The following WSB2 variants were observed in gnomAD, a reference collection of about 807,000 sequenced individuals.
WSB2 encodes WD repeat and SOCS box containing 2.
A neutral mutation model predicts 48.8 loss-of-function variants in WSB2; 12 were observed. The observed-to-expected ratio is 0.25, with a 90% CI of 0.16 to 0.40. The LOEUF (loss-of-function observed/expected upper bound fraction) is 0.40, where lower values mean the gene tolerates loss of function less well. Ranked by LOEUF, WSB2 falls within the 10% of genes least tolerant of loss-of-function variation. The pLI, the probability that WSB2 is intolerant of heterozygous loss-of-function variation, is 1.00. For missense variants in WSB2, 317 were observed against 506.2 expected, an observed-to-expected ratio of 0.63 and a Z score of 3.59; for synonymous variants, 191 against 203.1, an observed-to-expected ratio of 0.94 and a Z score of 0.51.
rs2031669749 is a variant in WSB2 at position 118,042,992 on chromosome 12, ACT to A, written c.428-22_428-21del. The A allele has an allele frequency of 4.3e-6, 7 of 1,613,936 alleles. No individual in the cohort carries two copies. Among genetic ancestry groups the A allele is most frequent in the Non-Finnish European group, 5.9e-6 (7 of 1,179,978 alleles). ...GGAGCCCTGGCATGGGAGCAGGGGCACTGAGTCAGCCAGAGAGGGGGCACGAG... is the reference window on the plus strand; with the variant it reads ...GGAGCCCTGGCATGGGAGCAGGGGCAGAGTCAGCCAGAGAGGGGGCACGAG... On this transcript the variant is annotated intron_variant, in intron 3 of 8. Coordinates refer to ENST00000315436, the MANE Select transcript of WSB2 (RefSeq NM_018639.5).
In WSB2 at chr12:118,034,189, G is replaced by A. The variant is rs780222378; in HGVS notation, c.*7C>T. The A allele has an allele frequency of 1.9e-6, 3 of 1,614,128 alleles. No homozygotes were observed. The highest frequency in any genetic ancestry group is 2.5e-6 in the Non-Finnish European group (3 of 1,179,986). ...CTGCTACAAAGAAGCACAAGATGTG[G>A]TGTTGCTTAAAAAGTCCTGTATGTG... On this transcript the variant is annotated 3_prime_UTR_variant, in exon 9 of 9. Coordinates refer to ENST00000315436, the MANE Select transcript of WSB2 (RefSeq NM_018639.5).
intron 2 of WSB2, among the ~76,000 whole-genome samples, chr12:118,048,582 C>CA (rs111998638): frequency 0.072 from 9,445 of 130,344 alleles, 1,031 homozygotes; most frequent in African/African-American, 0.25. Flanking sequence ...AAGACTCTCT[C>CA]AAAAAAAAAA....
rs185153855 is a variant in WSB2, at chr12:118,040,325, T to C, written c.560-1937A>G. 3.9e-3 allele frequency among the ~76,000 whole-genome samples: 596 copies of C among 152,208 alleles called. 5 individuals are homozygous for C. Among genetic ancestry groups the C allele is most frequent in the South Asian group, 0.015 (73 of 4,816 alleles). On this transcript the variant is annotated intron_variant, in intron 4 of 8. Transcript: ENST00000315436. Reference sequence around the variant, plus strand: ...CCTCTCCTTGAAAAGCTCTCATAATTGGCCTACTCCATCCCGCCCACTCTT... The same window carrying C: ...CCTCTCCTTGAAAAGCTCTCATAATCGGCCTACTCCATCCCGCCCACTCTT...
rs2031429325 is a variant in WSB2, at chr12:118,033,639, C to T, written c.*557G>A. 1 of 151,660 alleles carries T rather than the reference C, an allele frequency of 6.6e-6. No individual in the cohort carries two copies. The highest frequency in any genetic ancestry group is 6.6e-5 in the Admixed American group (1 of 15,236). The allele number at this position is 151,660 out of a possible 1,614,324, so 9.4% of individuals were successfully genotyped here. On this transcript the variant is annotated 3_prime_UTR_variant, in exon 9 of 9. Coordinates refer to ENST00000315436, the MANE Select transcript of WSB2 (RefSeq NM_018639.5). ...GTAATTTAGTTAAGCTAAATTAATA[C>T]CTCATACCAAATGGCTCCAGGAAAA...
chr12:118,050,464 G>C (rs896099943), intron 2 of WSB2, among the ~76,000 whole-genome samples: 3 of 151,336 alleles, frequency 2.0e-5, no homozygotes, highest in Non-Finnish European at 4.4e-5. Context: ...GCCTAGGCAA[G>C]ACCCTGTCTC....
chr12:118,054,178 C>A (rs2031906597), intron 1 of WSB2, among the ~76,000 whole-genome samples: 1 of 139,940 alleles, frequency 7.1e-6, no homozygotes, highest in Non-Finnish European at 1.5e-5. Flanking sequence ...TTAAGACCAG[C>A]CTGGCAAACA....
chr12:118,053,033 G>A (rs2031884713), intron 1 of WSB2, among the ~76,000 whole-genome samples: 1 of 152,050 alleles, frequency 6.6e-6, no homozygotes, highest in African/African-American at 2.4e-5. Context: ...CCTCTGTCTG[G>A]GGTTAAACCT....
chr12:118,061,157 C>T lies in WSB2; in HGVS notation c.-109G>A. On this transcript the variant is annotated 5_prime_UTR_variant, in exon 1 of 9. Coordinates refer to ENST00000315436, the MANE Select transcript of WSB2 (RefSeq NM_018639.5). ...CGCCCCGGCCAGGCCGCCGCCGCCG[C>T]CCGGAGAGGCCATCAGCTGCTTCCC... The T allele has an allele frequency of 1.0e-6, 1 of 982,852 alleles. No homozygotes were observed. The allele number at this position is 982,852 out of a possible 1,614,324, so 60.9% of individuals were successfully genotyped here.
At chr12:118,036,651 G>A in intron 5 of WSB2, 141 bp from the exon 6 acceptor site, 2 of 877,066 alleles carry the variant, frequency 2.3e-6, no homozygotes, top group Non-Finnish European at 3.4e-6. Context: ...AGCTCTTCCA[G>A]AACGTGTGGT....
At chr12:118,041,811 G>C (rs2031642727) in intron 4 of WSB2, among the ~76,000 whole-genome samples, 1 of 144,480 alleles carries the variant, frequency 6.9e-6, no homozygotes, top group Non-Finnish European at 1.5e-5. Context: ...CTGGAGTGCA[G>C]TGATGCGATC....
intron 5 of WSB2, among the ~76,000 whole-genome samples, chr12:118,037,525 A>C (rs1374303391): frequency 1.3e-5 from 2 of 152,202 alleles, no homozygotes; most frequent in South Asian, 4.1e-4. Context: ...AAAATTAGCC[A>C]GGCGTGGTGT....
Position 118,044,852 on chromosome 12 carries a change from G to A in WSB2, c.183-1475C>T, listed in dbSNP as rs1273151403. On this transcript the variant is annotated intron_variant, in intron 2 of 8. Coordinates refer to ENST00000315436, the MANE Select transcript of WSB2 (RefSeq NM_018639.5). ...CCACACTCTGGTTGGTTAAACTGGC[G>A]GAAATGGAGATGAGAAAGCTGAACG... Among the ~76,000 whole-genome samples the A allele has an allele frequency of 2.6e-5, 4 of 152,154 alleles. No individual in the cohort carries two copies. The East Asian group carries it at 5.8e-4, about 22-fold the overall frequency.
rs2031505276 is a variant in WSB2, at chr12:118,036,184, A to G, written c.833+154T>C. On this transcript the variant is annotated intron_variant, in intron 6 of 8. Coordinates refer to ENST00000315436, the MANE Select transcript of WSB2 (RefSeq NM_018639.5). ...GCCACTGCACTCCAGCCTGGGTGACAGAGCGAGACTCCGTCTCAAAAGAGA... is the reference window on the plus strand; with the variant it reads ...GCCACTGCACTCCAGCCTGGGTGACGGAGCGAGACTCCGTCTCAAAAGAGA... 3 of 903,734 alleles carry G rather than the reference A, an allele frequency of 3.3e-6. No individual in the cohort carries two copies. The East Asian group carries it at 7.8e-5, about 23-fold the overall frequency. 56.0% of individuals were successfully genotyped at this position (903,734 alleles called of 1,614,324 possible).
chr12:118,055,331 C>T (rs559196153), intron 1 of WSB2, among the ~76,000 whole-genome samples: 1 of 152,124 alleles, frequency 6.6e-6, no homozygotes, highest in Non-Finnish European at 1.5e-5. Context: ...CAGCCCCCAG[C>T]AAAGAATCAT....
intron 2 of WSB2, among the ~76,000 whole-genome samples, chr12:118,051,590 T>C (rs1325248691): frequency 6.6e-6 from 1 of 152,142 alleles, no homozygotes; most frequent in Non-Finnish European, 1.5e-5. Context: ...AGTAGATTAG[T>C]GGTTGCCTGG....
chr12:118,061,582 G>T (rs893029658), upstream of WSB2, among the ~76,000 whole-genome samples: 6 of 151,230 alleles, frequency 4.0e-5, no homozygotes, highest in South Asian at 4.2e-4. Flanking sequence ...AGGGGAAAAG[G>T]GGGTGTTGGA....
intron 1 of WSB2, 140 bp from the exon 2 acceptor site, chr12:118,052,618 C>A: frequency 7.7e-7 from 1 of 1,297,330 alleles, no homozygotes; most frequent in Admixed American, 2.4e-5. Context: ...TGACCCAGGG[C>A]AATAACAGCA....
upstream of WSB2, chr12:118,062,122 C>A (rs1355659546): frequency 1.3e-6 from 2 of 1,535,350 alleles, no homozygotes; most frequent in Non-Finnish European, 8.7e-7. Flanking sequence ...CTCGCCTGTC[C>A]CCGTCCCCCT....
In WSB2 at chr12:118,061,118, G is replaced by A. The variant is rs1329880921; in HGVS notation, c.-70C>T. 1.0e-6 allele frequency: 1 copy of A among 979,830 alleles called. No homozygotes were observed. Among genetic ancestry groups the A allele is most frequent in the Non-Finnish European group, 1.2e-6 (1 of 827,730 alleles). 60.7% of individuals were successfully genotyped at this position (979,830 alleles called of 1,614,324 possible). ...CCCCCGGGCCGCGGGCCCTCATGCC[G>A]CCCCCGCGCCGCCCGCCCCGGCCAG... On this transcript the variant is annotated 5_prime_UTR_variant, in exon 1 of 9. Coordinates refer to ENST00000315436, the MANE Select transcript of WSB2 (RefSeq NM_018639.5).
Sources: gnomAD v4.1 joint callset for allele counts (sites outside exome capture counted in the v4.1 genomes callset) on GRCh38, gnomAD v4.1.1 for gene constraint, MANE v1.5 for transcripts, NCBI Gene and HGNC (gene_info 2026-07-23, HGNC 2026-07-21) for gene names.